MAGI2: variants seen among roughly 807,000 people sequenced by gnomAD.
MAGI2 encodes the protein membrane associated guanylate kinase, WW and PDZ domain containing 2.
MAGI2 carries 35 observed loss-of-function variants against 133.3 expected under a neutral mutation model. The observed-to-expected ratio is 0.26, with a 90% CI of 0.20 to 0.35. The LOEUF (loss-of-function observed/expected upper bound fraction) is 0.35, where lower values mean the gene tolerates loss of function less well. Ranked by LOEUF, MAGI2 falls within the 10% of genes least tolerant of loss-of-function variation. The pLI, the probability that MAGI2 is intolerant of heterozygous loss-of-function variation, is 1.00. For synonymous variants in MAGI2, 729 were observed against 710.6 expected, an observed-to-expected ratio of 1.03 and a Z score of -0.41; for missense variants, 1,636 against 1,863.4, an observed-to-expected ratio of 0.88 and a Z score of 2.25.
chr7:78,853,752 G>T (rs150659582), intron 2 of MAGI2, among the ~76,000 whole-genome samples: 3 of 151,864 alleles, frequency 2.0e-5, no homozygotes, highest in African/African-American at 7.3e-5. Context: ...TACATTAGTC[G>T]TCTGTGCAGG....
intron 6 of MAGI2, among the ~76,000 whole-genome samples, chr7:78,472,096 C>T (rs1394836422): frequency 6.6e-6 from 1 of 152,074 alleles, no homozygotes; most frequent in Non-Finnish European, 1.5e-5. Flanking sequence ...TGGCTGAGCA[C>T]TCTCTGGATA....
At chr7:78,602,006 T>C (rs2150880739) in intron 3 of MAGI2, among the ~76,000 whole-genome samples, 1 of 152,304 alleles carries the variant, frequency 6.6e-6, no homozygotes. Flanking sequence ...GAGCCCCACA[T>C]TTCAAAGCTA....
chr7:78,517,222 A>G (rs1389369928), intron 4 of MAGI2, among the ~76,000 whole-genome samples: 1 of 139,548 alleles, frequency 7.2e-6, no homozygotes, highest in Non-Finnish European at 1.7e-5. Flanking sequence ...CGGTTCAAAA[A>G]CAATCTGTAA....
At chr7:78,092,486 C>G (rs1332287004) in intron 20 of MAGI2, among the ~76,000 whole-genome samples, 3 of 152,128 alleles carry the variant, frequency 2.0e-5, no homozygotes, top group Admixed American at 1.3e-4. Context: ...TGTTTCTGTT[C>G]ATGTTAATTC....
Position 78,135,030 on chromosome 7 carries a change from G to A in MAGI2, c.3022C>T (p.Pro1008Ser), listed in dbSNP as rs764279398. 1.2e-6 allele frequency: 2 copies of A among 1,613,846 alleles called. No homozygotes were observed. Among genetic ancestry groups the A allele is most frequent in the Non-Finnish European group, 1.7e-6 (2 of 1,179,964 alleles). The change falls in exon 17 of 22, where the codon CCT becomes TCT. Residue 1008 changes from proline (P) to serine (S), a missense_variant. Coordinates refer to ENST00000354212, the MANE Select transcript of MAGI2 (RefSeq NM_012301.4). ...TGCCTCAGGCACTCACCCTCCTGAG[G>A]AATGATGCGAAGGGTGACACTAAGA... ...AGLSVTLRII[P>S]QEELNSPTSA...
intron 3 of MAGI2, among the ~76,000 whole-genome samples, chr7:78,592,109 A>G (rs1804066463): frequency 1.3e-5 from 2 of 152,228 alleles, no homozygotes; most frequent in Admixed American, 6.5e-5. Context: ...TAGGGGTTCC[A>G]GACAGAACAG....
rs11434233 is a variant in MAGI2 at position 78,524,052 on chromosome 7, GA to G, written c.539-2408del. Among the ~76,000 whole-genome samples, 25 of 149,170 alleles carry G rather than the reference GA, an allele frequency of 1.7e-4. No homozygotes were observed. The South Asian group carries it at 1.9e-3, about 11-fold the overall frequency. On this transcript the variant is annotated intron_variant, in intron 3 of 21. Transcript: ENST00000354212. Reference sequence around the variant, plus strand: ...CTGCTCTGATTCACTCATTTCTAGGGAAAAAAAAAAATCCCAGGCAGGATCA... The same window carrying G: ...CTGCTCTGATTCACTCATTTCTAGGGAAAAAAAAAATCCCAGGCAGGATCA...
intron 6 of MAGI2, among the ~76,000 whole-genome samples, chr7:78,461,041 CCTTT>C (rs1277172059): frequency 6.6e-6 from 1 of 152,018 alleles, no homozygotes; most frequent in Non-Finnish European, 1.5e-5. Context: ...TTTCTAACAA[CCTTT>C]CTATCTACCT....
intron 2 of MAGI2, among the ~76,000 whole-genome samples, chr7:78,666,200 C>T (rs559849316): frequency 3.9e-5 from 6 of 152,132 alleles, no homozygotes; most frequent in Non-Finnish European, 7.4e-5. Context: ...GACTTTAAAA[C>T]TGCTGAGATC....
chr7:78,404,576 C>T (rs894033996), intron 6 of MAGI2, among the ~76,000 whole-genome samples: 3 of 152,080 alleles, frequency 2.0e-5, no homozygotes, highest in African/African-American at 7.2e-5. Context: ...GGAAAGGATT[C>T]CCTATTTAAT....
intron 2 of MAGI2, among the ~76,000 whole-genome samples, chr7:78,744,560 G>A (rs1277778377): frequency 6.6e-6 from 1 of 151,978 alleles, no homozygotes; most frequent in East Asian, 1.9e-4. Context: ...TTGGTACCTT[G>A]TTTCTCGTTG....
At chr7:79,366,339 C>G (rs1400836433) in intron 1 of MAGI2, among the ~76,000 whole-genome samples, 1 of 152,064 alleles carries the variant, frequency 6.6e-6, no homozygotes, top group Non-Finnish European at 1.5e-5. Flanking sequence ...GAAATAACAA[C>G]ATTTTCAAAA....
chr7:78,813,243 A>G (rs1463000763), intron 2 of MAGI2, among the ~76,000 whole-genome samples: 1 of 152,224 alleles, frequency 6.6e-6, no homozygotes, highest in Non-Finnish European at 1.5e-5. Context: ...GTCATAGTTC[A>G]AGAAAACCAC....
chr7:79,043,822 A>T (rs1811916998), intron 1 of MAGI2, among the ~76,000 whole-genome samples: 1 of 152,174 alleles, frequency 6.6e-6, no homozygotes. Flanking sequence ...TCCTGGAAAC[A>T]TAAACACTCC....
At chr7:79,024,515 G>GCAAAA (rs138227043) in intron 1 of MAGI2, among the ~76,000 whole-genome samples, 1,648 of 150,636 alleles carry the variant, frequency 0.011, 24 homozygotes, top group African/African-American at 0.039. Flanking sequence ...CTTCTGCATA[G>GCAAAA]CAAAACAAAA....
chr7:78,870,693 A>C (rs1563604597), intron 2 of MAGI2, among the ~76,000 whole-genome samples: 1 of 152,214 alleles, frequency 6.6e-6, no homozygotes, highest in East Asian at 1.9e-4. Context: ...CAATCACTCT[A>C]CTGGGTATCT....
chr7:79,153,522 C>A (rs1823472858), intron 1 of MAGI2, among the ~76,000 whole-genome samples: 1 of 152,140 alleles, frequency 6.6e-6, no homozygotes, highest in Non-Finnish European at 1.5e-5. Flanking sequence ...GGCCTCTGTG[C>A]AATCAACTCT....
At chr7:78,311,749 A>C (rs1053067059) in intron 9 of MAGI2, among the ~76,000 whole-genome samples, 1 of 151,970 alleles carries the variant, frequency 6.6e-6, no homozygotes, top group Non-Finnish European at 1.5e-5. Context: ...ATTAATATGC[A>C]AACTTATGAC....
At chr7:79,033,463 A>G (rs913156719) in intron 1 of MAGI2, among the ~76,000 whole-genome samples, 1 of 151,140 alleles carries the variant, frequency 6.6e-6, no homozygotes, top group African/African-American at 2.4e-5. Flanking sequence ...TTCTATGTCT[A>G]TGTCTGTGTA....
Sources: allele counts gnomAD v4.1 joint callset (sites outside exome capture counted in the v4.1 genomes callset), GRCh38; gene constraint gnomAD v4.1.1; transcripts MANE v1.5; gene names NCBI Gene and HGNC (gene_info 2026-07-23, HGNC 2026-07-21).